The following TCF4 variants were observed in gnomAD, a reference collection of about 807,000 sequenced individuals.
TCF4 encodes transcription factor 4, also known as SL3-3 enhancer factor 2.
In TCF4, 3 loss-of-function variants were observed where a neutral mutation model predicts 82.1. The ratio of observed to expected loss-of-function variants is 0.04; its 90% CI spans 0.02 to 0.09. The LOEUF (loss-of-function observed/expected upper bound fraction) is 0.09, where lower values mean the gene tolerates loss of function less well. Among genes scored for constraint, TCF4 ranks in the 10% least tolerant of loss-of-function variants. TCF4 has a pLI of 1.00. For missense variants in TCF4, 518 were observed against 852.7 expected, an observed-to-expected ratio of 0.61 and a Z score of 4.89; for synonymous variants, 276 against 309.6, an observed-to-expected ratio of 0.89 and a Z score of 1.14.
At chr18:55,322,062 C>T (rs2147505032) in intron 8 of TCF4, 1 of 1,121,402 alleles carries the variant, frequency 8.9e-7, no homozygotes, top group Non-Finnish European at 1.1e-6. Flanking sequence ...TTACAAATTT[C>T]TGCAGTCTTC....
At chr18:55,611,841 T>C (rs1325274047) in intron 2 of TCF4, among the ~76,000 whole-genome samples, 1 of 152,174 alleles carries the variant, frequency 6.6e-6, no homozygotes, top group Non-Finnish European at 1.5e-5. Flanking sequence ...CAATCTTGGG[T>C]CACTGCAACC....
chr18:55,305,219 G>A (rs1451480274), intron 8 of TCF4, among the ~76,000 whole-genome samples: 1 of 152,066 alleles, frequency 6.6e-6, no homozygotes, highest in Non-Finnish European at 1.5e-5. Context: ...TTAGGGAGAA[G>A]GCAAGAGAGA....
At chr18:55,313,991 A>T (rs2073376127) in intron 8 of TCF4, among the ~76,000 whole-genome samples, 2 of 152,128 alleles carry the variant, frequency 1.3e-5, no homozygotes, top group Non-Finnish European at 2.9e-5. Context: ...CGATATTTGC[A>T]ACTAAACAAC....
At chr18:55,462,860 A>T (rs1486732826) in intron 4 of TCF4, among the ~76,000 whole-genome samples, 2 of 152,170 alleles carry the variant, frequency 1.3e-5, no homozygotes, top group Non-Finnish European at 2.9e-5. Context: ...CAGCTGGTGT[A>T]AGGGCTCACA....
chr18:55,490,218 G>A (rs183155897), intron 3 of TCF4, among the ~76,000 whole-genome samples: 7 of 152,188 alleles, frequency 4.6e-5, no homozygotes, highest in Admixed American at 2.0e-4. Flanking sequence ...GGATTTCTGC[G>A]GTTATTTTGC....
intron 9 of TCF4, among the ~76,000 whole-genome samples, chr18:55,276,211 G>A (rs1002830836): frequency 5.3e-5 from 8 of 152,066 alleles, no homozygotes; most frequent in Non-Finnish European, 8.8e-5. Flanking sequence ...GATTGAAAAT[G>A]TTTAATTTCA....
At chr18:55,332,787 G>A (rs969582126) in intron 8 of TCF4, among the ~76,000 whole-genome samples, 1 of 152,202 alleles carries the variant, frequency 6.6e-6, no homozygotes, top group South Asian at 2.1e-4. Flanking sequence ...TCACGTCAGT[G>A]TTTCTTTCCC....
intron 1 of TCF4, among the ~76,000 whole-genome samples, chr18:55,635,518 A>G (rs2097735478): frequency 6.6e-6 from 1 of 152,076 alleles, no homozygotes; most frequent in Non-Finnish European, 1.5e-5. Context: ...CAAAAAAAAA[A>G]AAAGAAAAGA....
chr18:55,501,096 C>T (rs2096694747), intron 3 of TCF4, among the ~76,000 whole-genome samples: 1 of 152,128 alleles, frequency 6.6e-6, no homozygotes, highest in Non-Finnish European at 1.5e-5. Context: ...TTTTATATTT[C>T]ATTTATCCCT....
At chr18:55,355,661 A>G (rs1369853225) in intron 6 of TCF4, among the ~76,000 whole-genome samples, 1 of 152,176 alleles carries the variant, frequency 6.6e-6, no homozygotes. Flanking sequence ...GTCCAAGAGT[A>G]CACCTTTATA....
At chr18:55,613,642 C>A (rs1245778514) in intron 2 of TCF4, among the ~76,000 whole-genome samples, 1 of 152,134 alleles carries the variant, frequency 6.6e-6, no homozygotes, top group African/African-American at 2.4e-5. Context: ...GAAGCAAGTA[C>A]CTTCTTCACA....
intron 2 of TCF4, among the ~76,000 whole-genome samples, chr18:55,623,321 A>T (rs920371183): frequency 1.3e-5 from 2 of 152,190 alleles, no homozygotes; most frequent in Non-Finnish European, 2.9e-5. Flanking sequence ...TTTTATATTT[A>T]ACATACCTCA....
At chr18:55,357,570 T>C (rs189066474) in intron 6 of TCF4, among the ~76,000 whole-genome samples, 5 of 152,190 alleles carry the variant, frequency 3.3e-5, no homozygotes, top group Non-Finnish European at 7.3e-5. Flanking sequence ...TATAAACAAG[T>C]AGCTATAATA....
At chr18:55,324,661 G>A (rs1025323589) in intron 8 of TCF4, among the ~76,000 whole-genome samples, 1 of 151,992 alleles carries the variant, frequency 6.6e-6, no homozygotes, top group Non-Finnish European at 1.5e-5. Flanking sequence ...TAGGTAACTT[G>A]GTTACCTACT....
At chr18:55,238,300 G>A (rs962816716) in intron 15 of TCF4, among the ~76,000 whole-genome samples, 1 of 152,198 alleles carries the variant, frequency 6.6e-6, no homozygotes, top group Non-Finnish European at 1.5e-5. Flanking sequence ...CACGTATAAT[G>A]CAGTTTTAGT....
intron 8 of TCF4, among the ~76,000 whole-genome samples, chr18:55,291,642 T>C (rs1449411730): frequency 6.6e-6 from 1 of 152,204 alleles, no homozygotes; most frequent in African/African-American, 2.4e-5. Context: ...AAAATAAGTA[T>C]GCAAGTTGTC....
At chr18:55,585,995 A>T in intron 2 of TCF4, 1 of 1,336,218 alleles carries the variant, frequency 7.5e-7, no homozygotes, top group South Asian at 1.5e-5. Context: ...AGAGCCTGCA[A>T]AAAGCAAAGG....
intron 3 of TCF4, among the ~76,000 whole-genome samples, chr18:55,564,502 T>C (rs1053502551): frequency 6.6e-6 from 1 of 152,220 alleles, no homozygotes; most frequent in Admixed American, 6.5e-5. Context: ...TGAAAGCAGA[T>C]GTGGAGAGCA....
intron 5 of TCF4, among the ~76,000 whole-genome samples, chr18:55,428,515 C>A (rs1179367554): frequency 6.6e-6 from 1 of 152,178 alleles, no homozygotes; most frequent in East Asian, 1.9e-4. Context: ...AAAATTAACA[C>A]CAAACTCATG....
Sources: allele counts gnomAD v4.1 joint callset (sites outside exome capture counted in the v4.1 genomes callset), GRCh38; gene constraint gnomAD v4.1.1; transcripts MANE v1.5; gene names NCBI Gene and HGNC (gene_info 2026-07-23, HGNC 2026-07-21).